Variants in BNIP3L observed in about 807,000 individuals in gnomAD.
BNIP3L encodes the protein BCL2 interacting protein 3 like.
A neutral mutation model predicts 25.5 loss-of-function variants in BNIP3L; 10 were observed. The observed-to-expected ratio is 0.39, with a 90% CI of 0.24 to 0.67. The LOEUF is 0.67. BNIP3L is among the 30% of genes least tolerant of loss of function. The pLI is 0.45. For synonymous variants in BNIP3L, 113 were observed against 101.2 expected (o/e 1.12, Z -0.70); for missense variants, 215 against 270.9 (o/e 0.79, Z 1.45).
intron 1 of BNIP3L, among the ~76,000 whole-genome samples, chr8:26,388,476 C>G (rs1313232118): frequency 6.6e-6 from 1 of 152,136 alleles, no homozygotes; most frequent in Non-Finnish European, 1.5e-5. Context: ...ACCAGTGTAT[C>G]CCAAGTACAA....
chr8:26,390,109 T>TTTAC (rs552104830), intron 1 of BNIP3L, among the ~76,000 whole-genome samples: 1 of 152,204 alleles, frequency 6.6e-6, no homozygotes, highest in African/African-American at 2.4e-5. Context: ...TAACAATTTA[T>TTTAC]TTACTTACTT....
In BNIP3L at chr8:26,410,924, C is replaced by CAA. The variant is rs1671141723; in HGVS notation, c.*515_*516dup. 1 of 139,254 alleles carries CAA rather than the reference C, an allele frequency of 7.2e-6. No homozygotes were observed. Among genetic ancestry groups the CAA allele is most frequent in the African/African-American group, 2.7e-5 (1 of 37,524 alleles). The allele number at this position is 139,254 out of a possible 1,614,324, so 8.6% of individuals were successfully genotyped here. On this transcript the variant is annotated 3_prime_UTR_variant, in exon 6 of 6. Transcript: ENST00000380629. ...GAGTTGATAGTTATTAAAAAGAAAA[C>CAA]AAAACAAAAAAAAAAGGCAAGGCAC...
intron 1 of BNIP3L, among the ~76,000 whole-genome samples, chr8:26,386,829 T>C (rs1480491293): frequency 6.6e-6 from 1 of 152,196 alleles, no homozygotes; most frequent in African/African-American, 2.4e-5. Context: ...TTTGAATACC[T>C]ACGTAACTTG....
At position 26,396,600 on chromosome 8, in the gene BNIP3L, AG is replaced by A. The variant is rs1169134156; in HGVS notation, c.357+1299del. 2.7e-5 allele frequency among the ~76,000 whole-genome samples: 4 copies of A among 150,022 alleles called. No homozygotes were observed. In the South Asian group the frequency reaches 8.8e-4, roughly 33 times the overall value. ...CTCCAAAGGAACGCAGTTCCTCACC[AG>A]CAACGGAACAAAGCTGGATGGAGAA... On this transcript the variant is annotated intron_variant, in intron 3 of 5. Coordinates refer to ENST00000380629, the MANE Select transcript of BNIP3L (RefSeq NM_004331.3).
intron 3 of BNIP3L, among the ~76,000 whole-genome samples, chr8:26,402,785 T>G (rs1218765858): frequency 6.6e-6 from 1 of 152,092 alleles, no homozygotes; most frequent in African/African-American, 2.4e-5. Context: ...AAAAAAGAAA[T>G]GGGTTTAATT....
At chr8:26,406,248 T>C (rs1470088566) in intron 3 of BNIP3L, among the ~76,000 whole-genome samples, 2 of 152,224 alleles carry the variant, frequency 1.3e-5, no homozygotes, top group Admixed American at 6.5e-5. Flanking sequence ...CAACTTATTA[T>C]AGATTATTCC....
In BNIP3L at chr8:26,384,726, CATTT is replaced by C. The variant is rs1171123080; in HGVS notation, c.100+1497_100+1500del. On this transcript the variant is annotated intron_variant, in intron 1 of 5. Transcript: ENST00000380629. ...AGCCTGTCTACTGCTCTTTTGAGGACATTTTTTTTTTTTTTTTTTTTTTTTTGAG... is the reference window on the plus strand; with the variant it reads ...AGCCTGTCTACTGCTCTTTTGAGGACTTTTTTTTTTTTTTTTTTTTTTGAG... Among the ~76,000 whole-genome samples the C allele has an allele frequency of 4.1e-3, 391 of 95,632 alleles. 10 individuals carry two copies. In the Admixed American group the frequency reaches 0.045, roughly 11 times the overall value. 62.7% of individuals were successfully genotyped at this position (95,632 alleles called of 152,430 possible).
chr8:26,394,859 A>C (rs954954145), intron 2 of BNIP3L, among the ~76,000 whole-genome samples: 4 of 152,248 alleles, frequency 2.6e-5, no homozygotes, highest in African/African-American at 9.6e-5. Flanking sequence ...TTTAATGATG[A>C]GGGAACTTTG....
At chr8:26,387,450 T>C (rs1806016261) in intron 1 of BNIP3L, among the ~76,000 whole-genome samples, 1 of 152,250 alleles carries the variant, frequency 6.6e-6, no homozygotes, top group African/African-American at 2.4e-5. Flanking sequence ...GTGGTTGTTT[T>C]CTACTTTGTG....
intron 3 of BNIP3L, among the ~76,000 whole-genome samples, chr8:26,405,814 G>A (rs572959611): frequency 4.6e-5 from 7 of 152,290 alleles, no homozygotes; most frequent in Non-Finnish European, 7.4e-5. Flanking sequence ...AGGCTGAGGC[G>A]TGTAGATCAC....
chr8:26,408,873 G>GGA (rs1554522531), intron 5 of BNIP3L, among the ~76,000 whole-genome samples: 6 of 76,142 alleles, frequency 7.9e-5, no homozygotes, highest in African/African-American at 2.9e-4. Context: ...CTCCATCTCG[G>GGA]AAAAAAAAAA....
rs2117503722 is a variant in BNIP3L at position 26,412,596 on chromosome 8, AT to A, written c.*2187del. The A allele has an allele frequency of 6.5e-6, 1 of 152,684 alleles. No homozygotes were observed. Among genetic ancestry groups the A allele is most frequent in the Admixed American group, 6.5e-5 (1 of 15,304 alleles). 9.5% of individuals were successfully genotyped at this position (152,684 alleles called of 1,614,324 possible). The stretch of plus-strand genomic sequence containing the variant: ...AACGTGAATACATCATCACAGTAGA[AT>A]TTATTATGAGAGCATGTAGTATGTA... On this transcript the variant is annotated 3_prime_UTR_variant, in exon 6 of 6. Coordinates refer to ENST00000380629, the MANE Select transcript of BNIP3L (RefSeq NM_004331.3).
rs891102058 is a variant in BNIP3L, at chr8:26,410,866, T to TC, written c.*459dup. ...AGCTTTATTGTCTAGTTGTTTTTTT[T>TC]CCCCCAAGACAAAGGCAAGTTTCCC... On this transcript the variant is annotated 3_prime_UTR_variant, in exon 6 of 6. Coordinates refer to ENST00000380629, the MANE Select transcript of BNIP3L (RefSeq NM_004331.3). 1.2e-4 allele frequency: 18 copies of TC among 151,224 alleles called. No individual in the cohort carries two copies. The highest frequency in any genetic ancestry group is 5.8e-4 in the East Asian group (3 of 5,166). The allele number at this position is 151,224 out of a possible 1,614,324, so 9.4% of individuals were successfully genotyped here.
chr8:26,386,304 TC>T (rs2117462845), intron 1 of BNIP3L, among the ~76,000 whole-genome samples: 1 of 152,346 alleles, frequency 6.6e-6, no homozygotes, highest in Admixed American at 6.5e-5. Context: ...ACTATCAACT[TC>T]CTTAAGAATG....
Position 26,410,169 on chromosome 8 carries a change from T to C in BNIP3L, c.612-195T>C, listed in dbSNP as rs1388274290. ...TATTTAATGAGTAAACAAACTCATATAAAACCAGTTTGGCCGGGCTGGTGA... is the reference window on the plus strand; with the variant it reads ...TATTTAATGAGTAAACAAACTCATACAAAACCAGTTTGGCCGGGCTGGTGA... On this transcript the variant is annotated intron_variant, in intron 5 of 5. Coordinates refer to ENST00000380629, the MANE Select transcript of BNIP3L (RefSeq NM_004331.3). Among the ~76,000 whole-genome samples the C allele has an allele frequency of 7.9e-5, 12 of 152,194 alleles. No homozygotes were observed. The East Asian group carries it at 2.3e-3, about 29-fold the overall frequency.
chr8:26,407,589 A>G (rs1806529324), intron 3 of BNIP3L, among the ~76,000 whole-genome samples: 2 of 152,092 alleles, frequency 1.3e-5, no homozygotes, highest in Admixed American at 6.5e-5. Context: ...CAGCCTCCCA[A>G]AGTGCTGGGA....
chr8:26,394,452 A>G (rs1042725580), intron 2 of BNIP3L, among the ~76,000 whole-genome samples: 1 of 152,198 alleles, frequency 6.6e-6, no homozygotes, highest in African/African-American at 2.4e-5. Flanking sequence ...GTGGGTTTAT[A>G]TATTTTGATA....
At chr8:26,401,963 A>G (rs1806394074) in intron 3 of BNIP3L, among the ~76,000 whole-genome samples, 1 of 152,150 alleles carries the variant, frequency 6.6e-6, no homozygotes, top group Non-Finnish European at 1.5e-5. Flanking sequence ...GAGGACGGGA[A>G]CCATTATCTT....
At chr8:26,410,168 A>C (rs6995050) in intron 5 of BNIP3L, among the ~76,000 whole-genome samples, 196 bp from the exon 6 acceptor site, 4 of 152,150 alleles carry the variant, frequency 2.6e-5, no homozygotes, top group African/African-American at 9.7e-5. Context: ...ACAAACTCAT[A>C]TAAAACCAGT....
Sources: gnomAD v4.1 joint callset for allele counts (sites outside exome capture counted in the v4.1 genomes callset) on GRCh38, gnomAD v4.1.1 for gene constraint, MANE v1.5 for transcripts, NCBI Gene and HGNC (gene_info 2026-07-23, HGNC 2026-07-21) for gene names.